TXNDC15: variants seen among roughly 807,000 people sequenced by gnomAD.
TXNDC15 encodes thioredoxin domain-containing protein 15.
In TXNDC15, 24 loss-of-function variants were observed where a neutral mutation model predicts 35.0. The ratio of observed to expected loss-of-function variants is 0.68; its 90% CI spans 0.50 to 0.96. TXNDC15 has a LOEUF of 0.96. Ranked by LOEUF, TXNDC15 falls within the 40% of genes least tolerant of loss-of-function variation. The pLI is 0.00. For synonymous variants in TXNDC15, 169 were observed against 174.0 expected (o/e 0.97, Z 0.23); for missense variants, 385 against 453.3 (o/e 0.85, Z 1.37).
At chr5:134,879,637 C>CCA (rs1439189190) in intron 1 of TXNDC15, among the ~76,000 whole-genome samples, 1 of 152,166 alleles carries the variant, frequency 6.6e-6, no homozygotes, top group Non-Finnish European at 1.5e-5. Flanking sequence ...TCCCGCCCCT[C>CCA]CACCAATTTG....
intron 2 of TXNDC15, among the ~76,000 whole-genome samples, chr5:134,888,771 C>T (rs1366325465): frequency 4.6e-5 from 7 of 152,104 alleles, no homozygotes; most frequent in African/African-American, 1.4e-4. Context: ...TGTGAGCCAC[C>T]GTGCCCGGCC....
In TXNDC15 at chr5:134,896,375, T is replaced by C. The variant is rs775221840; in HGVS notation, c.837T>C (p.His279=). Residue 279 remains histidine, a synonymous_variant, in exon 4 of 5, where the codon CAT becomes CAC. Coordinates refer to ENST00000358387, the MANE Select transcript of TXNDC15 (RefSeq NM_024715.4). ...CTAAACCAATGGCCAGATTTAATCA[T>C]ACAGATCGAACACTGGAAACACTGA... ...QGAKPMARFN[H]TDRTLETLKI... 41 of 1,613,914 alleles carry C rather than the reference T, an allele frequency of 2.5e-5. No individual in the cohort carries two copies. Among genetic ancestry groups the C allele is most frequent in the Non-Finnish European group, 3.3e-5 (39 of 1,179,984 alleles).
chr5:134,896,651 CTT>C (rs11438328), intron 4 of TXNDC15, among the ~76,000 whole-genome samples: 28 of 134,346 alleles, frequency 2.1e-4, no homozygotes, highest in African/African-American at 2.8e-4. Context: ...TTTTTTTTCC[CTT>C]TTTTTTTTTT....
At chr5:134,890,915 C>T (rs1267263374) in intron 2 of TXNDC15, among the ~76,000 whole-genome samples, 3 of 152,206 alleles carry the variant, frequency 2.0e-5, no homozygotes, top group Non-Finnish European at 2.9e-5. Flanking sequence ...CTTCACCAGG[C>T]GTAGATGCCA....
intron 1 of TXNDC15, among the ~76,000 whole-genome samples, chr5:134,883,436 C>A (rs1232835315): frequency 2.0e-5 from 3 of 150,328 alleles, no homozygotes; most frequent in African/African-American, 7.3e-5. Flanking sequence ...CAAAAAAAAC[C>A]AAAAAAACAA....
At chr5:134,889,371 A>G (rs1029330372) in intron 2 of TXNDC15, among the ~76,000 whole-genome samples, 7 of 152,124 alleles carry the variant, frequency 4.6e-5, no homozygotes, top group African/African-American at 1.7e-4. Flanking sequence ...ATTACGGCAC[A>G]TGCCACCACG....
intron 1 of TXNDC15, 67 bp from the exon 2 acceptor site, chr5:134,887,628 C>T: frequency 6.6e-7 from 1 of 1,511,400 alleles, no homozygotes; most frequent in South Asian, 1.4e-5. Context: ...TAGAGGGGAA[C>T]TGTAATTCTT....
At chr5:134,889,451 C>T (rs183654055) in intron 2 of TXNDC15, among the ~76,000 whole-genome samples, 63 of 152,260 alleles carry the variant, frequency 4.1e-4, no homozygotes, top group African/African-American at 1.4e-3. Context: ...CTCAAATTCC[C>T]GACCTCAACT....
chr5:134,887,345 C>G (rs1438060214), intron 1 of TXNDC15, among the ~76,000 whole-genome samples: 1 of 152,008 alleles, frequency 6.6e-6, no homozygotes, highest in East Asian at 1.9e-4. Context: ...CCACCATGCC[C>G]GGCTAATTTT....
At chr5:134,899,430 G>C in intron 4 of TXNDC15, 59 bp from the exon 5 acceptor site, 1 of 1,518,130 alleles carries the variant, frequency 6.6e-7, no homozygotes, top group Non-Finnish European at 9.0e-7. Flanking sequence ...TAATACTTGA[G>C]AAAAATCTGT....
chr5:134,880,052 T>G (rs112810577), intron 1 of TXNDC15, among the ~76,000 whole-genome samples: 2 of 152,218 alleles, frequency 1.3e-5, no homozygotes, highest in African/African-American at 4.8e-5. Flanking sequence ...CTCCTTGGCC[T>G]CCCAAAGTAC....
chr5:134,874,564 TG>T (rs1369071057), intron 1 of TXNDC15, 34 bp downstream of exon 1: 2 of 1,538,720 alleles, frequency 1.3e-6, no homozygotes, highest in Non-Finnish European at 8.8e-7. Context: ...CATGAGATGA[TG>T]GGGCGAGCTG....
At chr5:134,878,720 C>A (rs929588816) in intron 1 of TXNDC15, among the ~76,000 whole-genome samples, 1 of 152,144 alleles carries the variant, frequency 6.6e-6, no homozygotes, top group South Asian at 2.1e-4. Context: ...CATTACCAGT[C>A]GGGTGCAGTG....
At position 134,899,486 on chromosome 5, in the gene TXNDC15, C is replaced by G; in HGVS notation, c.887-3C>G. The G allele has an allele frequency of 3.7e-6, 6 of 1,603,196 alleles. No individual in the cohort carries two copies. Among genetic ancestry groups the G allele is most frequent in the Non-Finnish European group, 5.1e-6 (6 of 1,177,694 alleles). On this transcript the variant is annotated splice_polypyrimidine_tract_variant and splice_region_variant and intron_variant, in intron 4 of 4. Transcript: ENST00000358387. ...GATTTGAAACCAGTGATTTTTCTTT[C>G]AGGTATAGAAGCCAAGAAGAATGTG...
rs1485588183 is a variant in TXNDC15 at position 134,901,085 on chromosome 5, G to T, written c.*1400G>T. 6.6e-6 allele frequency: 1 copy of T among 152,150 alleles called. No homozygotes were observed. Among genetic ancestry groups the T allele is most frequent in the African/African-American group, 2.4e-5 (1 of 41,426 alleles). 9.4% of individuals were successfully genotyped at this position (152,150 alleles called of 1,614,324 possible). A position where few individuals can be genotyped will look rare whatever the true frequency, so the allele number is the denominator to read the frequency against. On this transcript the variant is annotated 3_prime_UTR_variant, in exon 5 of 5. Transcript: ENST00000358387. ...TTACAGGTGTGAGCCACTGCGCCTG[G>T]CCTAAACAAACTTTTTGAAAAGCTG...
chr5:134,890,693 A>T (rs891343077), intron 2 of TXNDC15, among the ~76,000 whole-genome samples: 6 of 152,078 alleles, frequency 3.9e-5, no homozygotes, highest in Non-Finnish European at 8.8e-5. Context: ...TACAGGCATG[A>T]GCCACCACAC....
chr5:134,893,521 T>C lies in TXNDC15; in HGVS notation c.621T>C (p.Gly207=), dbSNP rs748224789. 11 of 1,614,084 alleles carry C rather than the reference T, an allele frequency of 6.8e-6. No individual in the cohort carries two copies. Among genetic ancestry groups the C allele is most frequent in the Admixed American group, 1.7e-5 (1 of 60,002 alleles). The change falls in exon 3 of 5, where the codon GGT becomes GGC. Residue 207 remains glycine (G), a synonymous_variant. Coordinates refer to ENST00000358387, the MANE Select transcript of TXNDC15 (RefSeq NM_024715.4). ...QDLMDFLNPN[G]SDCTLVLFYT... ...TTATGGATTTTCTGAACCCAAACGGTAGTGACTGTACTCTAGTCCTGTTTT... is the reference window on the plus strand; with the variant it reads ...TTATGGATTTTCTGAACCCAAACGGCAGTGACTGTACTCTAGTCCTGTTTT...
intron 1 of TXNDC15, among the ~76,000 whole-genome samples, chr5:134,883,587 C>CAAAAA (rs60114636): frequency 1.5e-3 from 96 of 65,230 alleles, no homozygotes; most frequent in East Asian, 2.3e-3. Flanking sequence ...GACCCTGTCT[C>CAAAAA]AAAAAAAAAA....
chr5:134,885,740 A>G (rs1005832639), intron 1 of TXNDC15, among the ~76,000 whole-genome samples: 1 of 152,148 alleles, frequency 6.6e-6, no homozygotes, highest in Non-Finnish European at 1.5e-5. Context: ...TCAAGGCAGT[A>G]AGTTGGAGCA....
Sources: gnomAD v4.1 joint callset for allele counts (sites outside exome capture counted in the v4.1 genomes callset) on GRCh38, gnomAD v4.1.1 for gene constraint, MANE v1.5 for transcripts, NCBI Gene and HGNC (gene_info 2026-07-23, HGNC 2026-07-21) for gene names.